TMOD2: variants seen among roughly 807,000 people sequenced by gnomAD.
TMOD2 encodes the protein tropomodulin-2.
TMOD2 carries 22 observed loss-of-function variants against 39.9 expected under a neutral mutation model. The ratio of observed to expected loss-of-function variants is 0.55; its 90% CI spans 0.39 to 0.79. The LOEUF (loss-of-function observed/expected upper bound fraction) is 0.79. Among genes scored for constraint, TMOD2 ranks in the 30% least tolerant of loss-of-function variants. The pLI, the probability that TMOD2 is intolerant of heterozygous loss-of-function variation, is 0.00. For missense variants in TMOD2, 386 were observed against 413.3 expected (o/e 0.93, Z 0.57); for synonymous variants, 123 against 146.1 (o/e 0.84, Z 1.14).
chr15:51,783,055 C>A, intron 7 of TMOD2: 1 of 516,272 alleles, frequency 1.9e-6, no homozygotes, highest in Non-Finnish European at 3.5e-6. Flanking sequence ...GAGAAAGAAA[C>A]AAGATAAGTT....
chr15:51,753,171 G>A (rs11638820), intron 1 of TMOD2, among the ~76,000 whole-genome samples: 72,845 of 152,008 alleles, frequency 0.48, 17,741 homozygotes, highest in Admixed American at 0.54. Context: ...TCAGGAACTC[G>A]GCGCTCTGCA....
Position 51,768,431 on chromosome 15 carries a change from G to A in TMOD2, c.283+13G>A. On this transcript the variant is annotated intron_variant, in intron 3 of 9. Coordinates refer to ENST00000249700, the MANE Select transcript of TMOD2 (RefSeq NM_014548.4). ...GGAGAAAAGAAAGGTAAGGACCACA[G>A]GCAGAGCATCTTGGAACAGAGGTTC... is the stretch of plus-strand genomic sequence containing the variant. The A allele has an allele frequency of 6.2e-7, 1 of 1,611,184 alleles. No individual in the cohort carries two copies. The highest frequency in any genetic ancestry group is 1.7e-4 in the Middle Eastern group (1 of 6,044).
chr15:51,812,868 T>A lies in TMOD2; in HGVS notation c.*4414T>A, dbSNP rs1423980567. 1 of 152,166 alleles carries A rather than the reference T, an allele frequency of 6.6e-6. No individual in the cohort carries two copies. Among genetic ancestry groups the A allele is most frequent in the East Asian group, 1.9e-4 (1 of 5,200 alleles). The allele number at this position is 152,166 out of a possible 1,614,324, so 9.4% of individuals were successfully genotyped here. A position where few individuals can be genotyped will look rare whatever the true frequency, so the allele number is the denominator to read the frequency against. ...CTAGCTCTGCCTTCCACTTGCAGCTTCCCTTTACCTCCTCTTATTGCTTTC... is the reference window on the plus strand; with the variant it reads ...CTAGCTCTGCCTTCCACTTGCAGCTACCCTTTACCTCCTCTTATTGCTTTC... On this transcript the variant is annotated 3_prime_UTR_variant, in exon 10 of 10. Coordinates refer to ENST00000249700, the MANE Select transcript of TMOD2 (RefSeq NM_014548.4).
At chr15:51,804,683 C>T (rs150453668) in intron 8 of TMOD2, among the ~76,000 whole-genome samples, 2,542 of 151,884 alleles carry the variant, frequency 0.017, 88 homozygotes, top group Admixed American at 0.072. Flanking sequence ...AGCAATTCTC[C>T]TGCCTCAGCC....
rs1464318520 is a variant in TMOD2 at position 51,808,489 on chromosome 15, A to T, written c.*35A>T. ...AGGAGAAGTGAAGTTTCACTGTGGTATGGCCATTGAAAAACAAAAACTCTT... is the reference window on the plus strand; with the variant it reads ...AGGAGAAGTGAAGTTTCACTGTGGTTTGGCCATTGAAAAACAAAAACTCTT... On this transcript the variant is annotated 3_prime_UTR_variant, in exon 10 of 10. Transcript: ENST00000249700. 3 of 1,578,408 alleles carry T rather than the reference A, an allele frequency of 1.9e-6. No homozygotes were observed. The highest frequency in any genetic ancestry group is 4.5e-5 in the East Asian group (2 of 44,128).
chr15:51,787,303 T>G (rs2055977374), intron 7 of TMOD2, among the ~76,000 whole-genome samples: 1 of 152,230 alleles, frequency 6.6e-6, no homozygotes, highest in Non-Finnish European at 1.5e-5. Context: ...TTGCTGAGGC[T>G]TGAGTTGGCA....
At chr15:51,787,168 A>G (rs2055976355) in intron 7 of TMOD2, among the ~76,000 whole-genome samples, 1 of 152,344 alleles carries the variant, frequency 6.6e-6, no homozygotes, top group East Asian at 1.9e-4. Context: ...GCGGACCAGG[A>G]GATTCCCTCC....
intron 7 of TMOD2, among the ~76,000 whole-genome samples, chr15:51,796,423 A>T (rs763838013): frequency 1.4e-4 from 22 of 152,148 alleles, no homozygotes; most frequent in Non-Finnish European, 3.1e-4. Context: ...CAGTGTGTGT[A>T]TAAGGAGCTC....
At chr15:51,752,991 G>A (rs1355209906) in intron 1 of TMOD2, 1 of 152,210 alleles carries the variant, frequency 6.6e-6, no homozygotes, top group Non-Finnish European at 1.5e-5. Flanking sequence ...GCAGATAAAG[G>A]ATTAGTGGCT....
intron 5 of TMOD2, among the ~76,000 whole-genome samples, chr15:51,778,251 C>G (rs2055902520): frequency 6.8e-6 from 1 of 148,048 alleles, no homozygotes; most frequent in African/African-American, 2.5e-5. Flanking sequence ...AAAACCAACA[C>G]CGCATCTTCT....
chr15:51,798,384 G>A (rs376157226), intron 8 of TMOD2, 44 bp downstream of exon 8: 1 of 1,599,532 alleles, frequency 6.3e-7, no homozygotes, highest in Non-Finnish European at 8.5e-7. Flanking sequence ...CACAGGGTGT[G>A]CAGTGAGCGG....
rs16964532 is a variant in TMOD2 at position 51,808,707 on chromosome 15, G to C, written c.*253G>C. 5.7e-5 allele frequency: 20 copies of C among 349,124 alleles called. No individual in the cohort carries two copies. Among genetic ancestry groups the C allele is most frequent in the African/African-American group, 4.0e-4 (19 of 47,154 alleles). The allele number at this position is 349,124 out of a possible 1,614,324, so 21.6% of individuals were successfully genotyped here. On this transcript the variant is annotated 3_prime_UTR_variant, in exon 10 of 10. Coordinates refer to ENST00000249700, the MANE Select transcript of TMOD2 (RefSeq NM_014548.4). ...ACCGATGCAGATTTTAGAGAGTGAC[G>C]ACATGGAAAATGAATTTAACCACTT...
At chr15:51,807,017 G>A (rs184585026) in intron 9 of TMOD2, among the ~76,000 whole-genome samples, 303 of 152,278 alleles carry the variant, frequency 2.0e-3, no homozygotes, top group Non-Finnish European at 3.2e-3. Context: ...TCAGTTTTTC[G>A]TGTGGCCACT....
At chr15:51,760,730 C>T (rs934053303) in intron 1 of TMOD2, among the ~76,000 whole-genome samples, 7 of 151,878 alleles carry the variant, frequency 4.6e-5, no homozygotes, top group East Asian at 1.9e-4. Flanking sequence ...TGCTTGAACC[C>T]GGGAGGTAGA....
intron 8 of TMOD2, among the ~76,000 whole-genome samples, chr15:51,801,001 C>T (rs1259237104): frequency 6.6e-6 from 1 of 152,164 alleles, no homozygotes; most frequent in Non-Finnish European, 1.5e-5. Flanking sequence ...CCCACCGCGC[C>T]TAGCCTGGCG....
intron 3 of TMOD2, among the ~76,000 whole-genome samples, chr15:51,772,868 C>G (rs1353822916): frequency 1.3e-5 from 2 of 152,150 alleles, no homozygotes; most frequent in African/African-American, 2.4e-5. Flanking sequence ...TTAGATGAAC[C>G]TGCTCCTAAT....
chr15:51,762,768 G>T (rs2055790022), intron 1 of TMOD2, among the ~76,000 whole-genome samples: 1 of 151,990 alleles, frequency 6.6e-6, no homozygotes, highest in South Asian at 2.1e-4. Flanking sequence ...TAGTTTATGT[G>T]TTCTAAAATT....
intron 8 of TMOD2, among the ~76,000 whole-genome samples, chr15:51,800,400 G>A (rs1009556598): frequency 6.6e-6 from 1 of 152,186 alleles, no homozygotes; most frequent in Non-Finnish European, 1.5e-5. Context: ...CCCAGGTGTG[G>A]TGGCACATGC....
rs912809456 is a variant in TMOD2, at chr15:51,811,161, G to C, written c.*2707G>C. 1.1e-4 allele frequency: 16 copies of C among 152,144 alleles called. No individual in the cohort carries two copies. Among genetic ancestry groups the C allele is most frequent in the African/African-American group, 3.6e-4 (15 of 41,420 alleles). The allele number at this position is 152,144 out of a possible 1,614,324, so 9.4% of individuals were successfully genotyped here. On this transcript the variant is annotated 3_prime_UTR_variant, in exon 10 of 10. Coordinates refer to ENST00000249700, the MANE Select transcript of TMOD2 (RefSeq NM_014548.4). ...ACCCTTAGAAAAACATACACTTGAGGAGCCTATCCATCATTTAATTAGCCT... is the reference window on the plus strand; with the variant it reads ...ACCCTTAGAAAAACATACACTTGAGCAGCCTATCCATCATTTAATTAGCCT...
Sources: allele counts gnomAD v4.1 joint callset (sites outside exome capture counted in the v4.1 genomes callset), GRCh38; gene constraint gnomAD v4.1.1; transcripts MANE v1.5; gene names NCBI Gene and HGNC (gene_info 2026-07-23, HGNC 2026-07-21).